Variants in KLRG2 observed in about 807,000 individuals in gnomAD.
KLRG2 encodes the protein killer cell lectin-like receptor subfamily G member 2.
KLRG2 carries 39 observed loss-of-function variants against 35.4 expected under a neutral mutation model. The ratio of observed to expected loss-of-function variants is 1.10; its 90% CI spans 0.85 to 1.44. The LOEUF (loss-of-function observed/expected upper bound fraction) is 1.44, where lower values mean the gene tolerates loss of function less well. Ranked by LOEUF, KLRG2 falls within the 40% of genes most tolerant of loss-of-function variation. The pLI is 0.00. For synonymous variants in KLRG2, 283 were observed against 265.8 expected (o/e 1.06, Z -0.63); for missense variants, 632 against 570.9 (o/e 1.11, Z -1.09).
chr7:139,476,178 G>A (rs1250800811), intron 3 of KLRG2, among the ~76,000 whole-genome samples: 7 of 152,138 alleles, frequency 4.6e-5, no homozygotes, highest in Admixed American at 1.3e-4. Flanking sequence ...TGAGGCAGGC[G>A]GATCGCCTGA....
chr7:139,450,578 T>C (rs1368011853), downstream of KLRG2, among the ~76,000 whole-genome samples: 1 of 152,186 alleles, frequency 6.6e-6, no homozygotes, highest in African/African-American at 2.4e-5. Context: ...ACAAAGCCAT[T>C]TTTAAATTGT....
chr7:139,463,111 G>A (rs764830598), intron 3 of KLRG2, among the ~76,000 whole-genome samples: 12 of 152,070 alleles, frequency 7.9e-5, no homozygotes, highest in Non-Finnish European at 1.5e-4. Context: ...CATGGTCAAG[G>A]TTTTTCTTTA....
At chr7:139,438,553 G>A in the KLRG2 span, among the ~76,000 whole-genome samples, 6 of 152,104 alleles carry the variant, frequency 3.9e-5, no homozygotes, top group Middle Eastern at 3.2e-3. Flanking sequence ...ACCATACACC[G>A]ATCGGTAGGG....
chr7:139,455,379 T>C (rs1490664158), intron 3 of KLRG2, among the ~76,000 whole-genome samples: 1 of 144,620 alleles, frequency 6.9e-6, no homozygotes, highest in Non-Finnish European at 1.5e-5. Context: ...TGGAGTGCAG[T>C]GGCGCGATCT....
chr7:139,436,412 C>A, the KLRG2 span, among the ~76,000 whole-genome samples: 392 of 152,242 alleles, frequency 2.6e-3, 1 homozygote, highest in Non-Finnish European at 4.4e-3. Flanking sequence ...GTAACAGTGA[C>A]AGCTTAGTGG....
At chr7:139,452,134 A>AT (rs1357722760), downstream of KLRG2, among the ~76,000 whole-genome samples, 1 of 151,602 alleles carries the variant, frequency 6.6e-6, no homozygotes. Context: ...ACGCCCAGCT[A>AT]TTTTTTTGTG....
the KLRG2 span, among the ~76,000 whole-genome samples, chr7:139,437,425 CAAAAAAAAAAAAAAA>C: frequency 4.1e-5 from 3 of 73,228 alleles, no homozygotes; most frequent in African/African-American, 4.1e-5. Flanking sequence ...ACTCCATCTC[CAAAAAAAAAAAAAAA>C]AAAAAAAAAA....
At chr7:139,458,389 A>G (rs1796512235) in intron 3 of KLRG2, among the ~76,000 whole-genome samples, 2 of 149,454 alleles carry the variant, frequency 1.3e-5, no homozygotes, top group African/African-American at 5.1e-5. Flanking sequence ...CAAAAAAAAA[A>G]AGAAAGAAAG....
chr7:139,468,009 G>A (rs1418466514), intron 3 of KLRG2, among the ~76,000 whole-genome samples: 4 of 152,178 alleles, frequency 2.6e-5, no homozygotes, highest in Non-Finnish European at 5.9e-5. Flanking sequence ...TGGGACATGC[G>A]GGCAGCAACA....
intron 3 of KLRG2, among the ~76,000 whole-genome samples, chr7:139,477,915 C>T (rs1001806577): frequency 6.6e-6 from 1 of 151,862 alleles, no homozygotes; most frequent in Non-Finnish European, 1.5e-5. Context: ...CCCGCCACCG[C>T]GCCCGGCTAA....
At chr7:139,454,069 T>G (rs1796415899) in intron 4 of KLRG2, 42 bp downstream of exon 4, 1 of 1,163,334 alleles carries the variant, frequency 8.6e-7, no homozygotes. Context: ...AAATGGAGGA[T>G]CCAGAACAGC....
chr7:139,454,496 G>A (rs1796425646), intron 3 of KLRG2, among the ~76,000 whole-genome samples: 1 of 152,216 alleles, frequency 6.6e-6, no homozygotes, highest in East Asian at 1.9e-4. Flanking sequence ...GGCATTGAGT[G>A]GGCAAAGAAA....
chr7:139,466,740 T>TAAAATTAAA (rs1554404147), intron 3 of KLRG2, among the ~76,000 whole-genome samples: 1 of 138,586 alleles, frequency 7.2e-6, no homozygotes, highest in African/African-American at 2.6e-5. Context: ...CTGCTAAAAA[T>TAAAATTAAA]AAAATAAAAA....
chr7:139,456,363 A>AT (rs1419619016), intron 3 of KLRG2, among the ~76,000 whole-genome samples: 2 of 151,818 alleles, frequency 1.3e-5, no homozygotes, highest in Admixed American at 6.6e-5. Context: ...TTTTATTTTT[A>AT]TTTTTTTAAT....
chr7:139,446,915 G>C, the KLRG2 span, among the ~76,000 whole-genome samples: 2 of 152,096 alleles, frequency 1.3e-5, no homozygotes, highest in Non-Finnish European at 2.9e-5. Flanking sequence ...TTTAATCACA[G>C]TAATCCTAGG....
intron 3 of KLRG2, among the ~76,000 whole-genome samples, chr7:139,467,559 CAT>C (rs1487336009): frequency 2.6e-5 from 4 of 152,230 alleles, no homozygotes; most frequent in South Asian, 2.1e-4. Flanking sequence ...CTCTCTGAAA[CAT>C]GTGCTGTGTC....
rs199674782 is a variant in KLRG2, at chr7:139,453,741, G to A, written c.1110-34C>T. ...GGATGGGAGGGGAAAGAGGAGAGGT[G>A]TTTAGGGTGCCGGGGCCTTGCTTCC... On this transcript the variant is annotated intron_variant, in intron 4 of 4. Coordinates refer to ENST00000340940, the MANE Select transcript of KLRG2 (RefSeq NM_198508.4). 1,962 of 1,613,046 alleles carry A rather than the reference G, an allele frequency of 1.2e-3. 5 individuals are homozygous for A. The highest frequency in any genetic ancestry group is 7.6e-4 in the Non-Finnish European group (896 of 1,179,716).
the KLRG2 span, among the ~76,000 whole-genome samples, chr7:139,427,309 T>G: frequency 1.3e-5 from 2 of 151,912 alleles, no homozygotes; most frequent in Non-Finnish European, 2.9e-5. Context: ...GCAGAAACAT[T>G]AGGGTGTTAG....
intron 3 of KLRG2, among the ~76,000 whole-genome samples, chr7:139,473,721 C>T (rs1002333715): frequency 1.3e-5 from 2 of 152,124 alleles, no homozygotes; most frequent in Non-Finnish European, 2.9e-5. Context: ...CACCTGTAAT[C>T]CTAGCACTTT....
Sources: gnomAD v4.1 joint callset for allele counts (sites outside exome capture counted in the v4.1 genomes callset) on GRCh38, gnomAD v4.1.1 for gene constraint, MANE v1.5 for transcripts, NCBI Gene and HGNC (gene_info 2026-07-23, HGNC 2026-07-21) for gene names.